AGBL4: variants seen among roughly 807,000 people sequenced by gnomAD.
AGBL4 encodes the protein AGBL carboxypeptidase 4.
AGBL4 carries 58 observed loss-of-function variants against 66.4 expected under a neutral mutation model. The observed-to-expected ratio is 0.87, with a 90% CI of 0.71 to 1.09. AGBL4 has a LOEUF of 1.09. Among genes scored for constraint, AGBL4 ranks in the 50% least tolerant of loss-of-function variants. AGBL4 has a pLI of 0.00. For synonymous variants in AGBL4, 234 were observed against 222.9 expected, an observed-to-expected ratio of 1.05 and a Z score of -0.44; for missense variants, 579 against 631.0, an observed-to-expected ratio of 0.92 and a Z score of 0.88.
At chr1:49,618,903 C>T (rs537486830) in intron 3 of AGBL4, among the ~76,000 whole-genome samples, 6 of 152,176 alleles carry the variant, frequency 3.9e-5, no homozygotes, top group East Asian at 1.9e-4. Flanking sequence ...AAAATACCTT[C>T]GATAAAATTC....
intron 5 of AGBL4, chr1:49,025,724 A>G (rs1307744064): frequency 6.6e-6 from 1 of 152,198 alleles, no homozygotes; most frequent in Non-Finnish European, 1.5e-5. Flanking sequence ...TCAGTCATAG[A>G]CATGCCCTAA....
intron 3 of AGBL4, among the ~76,000 whole-genome samples, chr1:49,422,627 T>C (rs1467566915): frequency 6.6e-6 from 1 of 152,228 alleles, no homozygotes; most frequent in Non-Finnish European, 1.5e-5. Context: ...TATTTAAGCA[T>C]ACACCTTGCT....
chr1:49,625,024 C>T (rs952747818), intron 3 of AGBL4, among the ~76,000 whole-genome samples: 1 of 151,998 alleles, frequency 6.6e-6, no homozygotes, highest in Admixed American at 6.6e-5. Flanking sequence ...ATAGGAGGGT[C>T]TCATAAATTT....
intron 6 of AGBL4, among the ~76,000 whole-genome samples, chr1:48,774,157 T>C (rs1194394766): frequency 6.6e-6 from 1 of 152,206 alleles, no homozygotes; most frequent in Non-Finnish European, 1.5e-5. Flanking sequence ...AGAGATTAAT[T>C]AATCAATTAA....
intron 3 of AGBL4, among the ~76,000 whole-genome samples, chr1:49,536,832 A>G (rs1294359173): frequency 6.6e-6 from 1 of 152,154 alleles, no homozygotes; most frequent in Non-Finnish European, 1.5e-5. Context: ...AACATGGCAA[A>G]ACCCCGTCTC....
chr1:49,887,081 A>C (rs183670931), intron 1 of AGBL4, among the ~76,000 whole-genome samples: 1 of 151,756 alleles, frequency 6.6e-6, no homozygotes, highest in Admixed American at 6.6e-5. Context: ...TCCTTCAAGG[A>C]GTATAGGCAA....
intron 3 of AGBL4, among the ~76,000 whole-genome samples, chr1:49,650,211 TGG>T (rs1645975070): frequency 1.3e-5 from 2 of 151,854 alleles, no homozygotes; most frequent in Admixed American, 1.3e-4. Flanking sequence ...ATGATCTGAG[TGG>T]AAAGCTGAAG....
intron 11 of AGBL4, among the ~76,000 whole-genome samples, chr1:48,550,153 A>G (rs1002501731): frequency 1.3e-5 from 2 of 151,988 alleles, no homozygotes; most frequent in Non-Finnish European, 2.9e-5. Context: ...GTTTGGGGTA[A>G]CTATAAGGCT....
intron 5 of AGBL4, among the ~76,000 whole-genome samples, chr1:48,989,228 T>A (rs542768548): frequency 6.6e-6 from 1 of 152,260 alleles, no homozygotes; most frequent in African/African-American, 2.4e-5. Context: ...TTAATTTAAA[T>A]TTTTTACTTT....
chr1:49,470,405 C>T (rs1004531587), intron 3 of AGBL4, among the ~76,000 whole-genome samples: 7 of 151,874 alleles, frequency 4.6e-5, no homozygotes, highest in African/African-American at 1.4e-4. Context: ...ATTTACTATC[C>T]GTTTCTCTAT....
intron 3 of AGBL4, among the ~76,000 whole-genome samples, chr1:49,656,503 T>A (rs1213880970): frequency 6.6e-6 from 1 of 152,168 alleles, no homozygotes; most frequent in Non-Finnish European, 1.5e-5. Context: ...CTAACTCATT[T>A]TATGAGGCCA....
At chr1:49,694,820 G>C (rs560545764) in intron 3 of AGBL4, among the ~76,000 whole-genome samples, 10 of 151,982 alleles carry the variant, frequency 6.6e-5, no homozygotes, top group Non-Finnish European at 1.5e-4. Context: ...TGTCCAAAAG[G>C]CTATCTCAAG....
chr1:49,769,256 A>G (rs968814418), intron 2 of AGBL4, among the ~76,000 whole-genome samples: 9 of 152,116 alleles, frequency 5.9e-5, no homozygotes, highest in African/African-American at 1.7e-4. Context: ...ACAAACACCT[A>G]GGAATACATT....
chr1:49,066,585 C>A (rs1051455666), intron 4 of AGBL4, among the ~76,000 whole-genome samples: 1 of 152,172 alleles, frequency 6.6e-6, no homozygotes. Context: ...CAACTCAAGG[C>A]CTCCAACTTG....
At chr1:48,860,010 A>G (rs1057015973) in intron 6 of AGBL4, among the ~76,000 whole-genome samples, 1 of 152,254 alleles carries the variant, frequency 6.6e-6, no homozygotes, top group Non-Finnish European at 1.5e-5. Context: ...CTACATTCGA[A>G]TAACAATAGT....
chr1:48,913,903 T>G (rs1438550597), intron 5 of AGBL4, among the ~76,000 whole-genome samples: 3 of 152,146 alleles, frequency 2.0e-5, no homozygotes, highest in Admixed American at 6.5e-5. Flanking sequence ...GGGATTTTCA[T>G]ACCCGTGGAA....
intron 6 of AGBL4, among the ~76,000 whole-genome samples, chr1:48,688,111 AGAAG>A (rs1453603539): frequency 6.6e-6 from 1 of 152,246 alleles, no homozygotes; most frequent in African/African-American, 2.4e-5. Context: ...GAAGCAAGGA[AGAAG>A]GAAGGGAGGG....
In AGBL4 at chr1:49,098,796, G is replaced by A. The variant is rs199927249; in HGVS notation, c.378-52996C>T. On this transcript the variant is annotated intron_variant, in intron 4 of 13. Transcript: ENST00000371839. ...TTCACAGGTGAGGCTGGAGCTTGGC[G>A]CACACTGCCTTTCTCCCACATGTGA... Among the ~76,000 whole-genome samples, 6 of 152,174 alleles carry A rather than the reference G, an allele frequency of 3.9e-5. No individual in the cohort carries two copies. In the East Asian group the frequency reaches 7.7e-4, roughly 20 times the overall value.
chr1:48,776,495 G>A (rs1034985634), intron 6 of AGBL4: 4 of 802,566 alleles, frequency 5.0e-6, no homozygotes, highest in African/African-American at 1.8e-5. Flanking sequence ...GAAGGAGGCA[G>A]GAAGGAGCAA....
Sources: gnomAD v4.1 joint callset for allele counts (sites outside exome capture counted in the v4.1 genomes callset) on GRCh38, gnomAD v4.1.1 for gene constraint, MANE v1.5 for transcripts, NCBI Gene and HGNC (gene_info 2026-07-23, HGNC 2026-07-21) for gene names.